STAG1: variants seen among roughly 807,000 people sequenced by gnomAD.
STAG1 encodes STAG1 cohesin complex component, also known as cohesin subunit SA-1.
Under a neutral mutation model 170.9 loss-of-function variants are expected in STAG1, and 26 were observed. The ratio of observed to expected loss-of-function variants is 0.15; its 90% confidence interval spans 0.11 to 0.21. The LOEUF (loss-of-function observed/expected upper bound fraction) is 0.21, where lower values mean the gene tolerates loss of function less well. Ranked by LOEUF, STAG1 falls within the 10% of genes least tolerant of loss-of-function variation. The pLI is 1.00. For missense variants in STAG1, 964 were observed against 1,509.5 expected (o/e 0.64, Z 5.99); for synonymous variants, 514 against 497.7 (o/e 1.03, Z -0.44).
intron 1 of STAG1, among the ~76,000 whole-genome samples, chr3:136,706,647 C>T (rs931554164): frequency 1.3e-5 from 2 of 152,156 alleles, no homozygotes; most frequent in African/African-American, 4.8e-5. Flanking sequence ...TCCAAAACAA[C>T]GTACAGATTC....
intron 10 of STAG1, among the ~76,000 whole-genome samples, chr3:136,475,220 C>A (rs2089719836): frequency 3.5e-5 from 5 of 141,792 alleles, no homozygotes; most frequent in African/African-American, 1.3e-4. Flanking sequence ...GATTTCAGCT[C>A]ACTGCAACCT....
intron 7 of STAG1, among the ~76,000 whole-genome samples, chr3:136,517,074 T>A (rs1441744549): frequency 6.6e-6 from 1 of 152,190 alleles, no homozygotes; most frequent in Non-Finnish European, 1.5e-5. Context: ...GCTGATTCTA[T>A]AAGAAAAGTT....
At chr3:136,569,247 A>C (rs925202983) in intron 4 of STAG1, among the ~76,000 whole-genome samples, 11 of 152,110 alleles carry the variant, frequency 7.2e-5, no homozygotes, top group African/African-American at 2.7e-4. Flanking sequence ...GTAGTGCATA[A>C]AAAGAATGCA....
chr3:136,702,792 A>G (rs1220318732), intron 1 of STAG1, among the ~76,000 whole-genome samples: 3 of 152,142 alleles, frequency 2.0e-5, no homozygotes, highest in Non-Finnish European at 4.4e-5. Context: ...AGGCCGGGCC[A>G]GGCACGGTGG....
chr3:136,344,082 G>A, intron 29 of STAG1, 76 bp from the exon 30 acceptor site: 1 of 1,145,196 alleles, frequency 8.7e-7, no homozygotes, highest in Non-Finnish European at 1.2e-6. Context: ...ATAGACTTGT[G>A]AAGAGTGTGG....
At chr3:136,451,938 C>T in intron 14 of STAG1, 95 bp downstream of exon 14, 1 of 784,318 alleles carries the variant, frequency 1.3e-6, no homozygotes, top group Non-Finnish European at 2.0e-6. Flanking sequence ...AAGAAACAGA[C>T]TTGTTTTTAT....
In STAG1 at chr3:136,661,888, G is replaced by A. The variant is rs371775483; in HGVS notation, c.-83-30907C>T. Among the ~76,000 whole-genome samples the A allele has an allele frequency of 1.2e-4, 18 of 152,304 alleles. No individual in the cohort carries two copies. The South Asian group carries it at 3.7e-3, about 32-fold the overall frequency. On this transcript the variant is annotated intron_variant, in intron 1 of 33. Coordinates refer to ENST00000383202, the MANE Select transcript of STAG1 (RefSeq NM_005862.3). ...TTTACACAAGGCACAGAAAAATTAA[G>A]TAACTTGCTCAAAGTCACACAGCCA... is the stretch of plus-strand genomic sequence containing the variant.
chr3:136,560,518 G>T (rs1236502822), intron 5 of STAG1, among the ~76,000 whole-genome samples: 3 of 152,102 alleles, frequency 2.0e-5, no homozygotes, highest in Non-Finnish European at 4.4e-5. Flanking sequence ...AATTTACATA[G>T]CTTTAGAATG....
At chr3:136,690,957 T>C (rs1942702047) in intron 1 of STAG1, among the ~76,000 whole-genome samples, 1 of 151,184 alleles carries the variant, frequency 6.6e-6, no homozygotes, top group East Asian at 1.9e-4. Flanking sequence ...GGCAATGTTA[T>C]CTCGATTTTT....
intron 12 of STAG1, among the ~76,000 whole-genome samples, chr3:136,469,126 G>A (rs1442108483): frequency 1.2e-4 from 19 of 152,164 alleles, no homozygotes; most frequent in South Asian, 2.1e-4. Flanking sequence ...AGTGTTGGAA[G>A]TTCTGGCCAG....
At chr3:136,601,080 C>G (rs1352625816) in intron 4 of STAG1, among the ~76,000 whole-genome samples, 1 of 151,996 alleles carries the variant, frequency 6.6e-6, no homozygotes, top group Non-Finnish European at 1.5e-5. Flanking sequence ...AGACTGGTCT[C>G]AAACTCCTGA....
chr3:136,583,819 C>A (rs112315705), intron 4 of STAG1, among the ~76,000 whole-genome samples: 171 of 151,990 alleles, frequency 1.1e-3, no homozygotes, highest in African/African-American at 2.4e-3. Flanking sequence ...AAAACAAAAA[C>A]AAAAAAACAA....
intron 21 of STAG1, among the ~76,000 whole-genome samples, chr3:136,413,399 T>A (rs1186301971): frequency 1.3e-5 from 2 of 150,790 alleles, no homozygotes; most frequent in Non-Finnish European, 2.9e-5. Flanking sequence ...GATTGTTTTT[T>A]AAATTTATTT....
chr3:136,434,015 T>G (rs1391326952), intron 15 of STAG1, among the ~76,000 whole-genome samples: 6 of 152,094 alleles, frequency 3.9e-5, no homozygotes, highest in Admixed American at 3.9e-4. Context: ...TTTTAAAAAC[T>G]TAACAGACAA....
intron 4 of STAG1, among the ~76,000 whole-genome samples, chr3:136,602,055 A>G (rs1267767362): frequency 6.6e-6 from 1 of 152,142 alleles, no homozygotes; most frequent in Admixed American, 6.6e-5. Flanking sequence ...TTTTACATAA[A>G]TATCTCATAA....
intron 3 of STAG1, among the ~76,000 whole-genome samples, chr3:136,622,624 A>G (rs1939917526): frequency 6.6e-6 from 1 of 152,226 alleles, no homozygotes; most frequent in South Asian, 2.1e-4. Context: ...ATAGAACAGT[A>G]TAACCCTTAA....
chr3:136,397,197 C>G (rs574383015), intron 22 of STAG1, among the ~76,000 whole-genome samples: 1 of 152,110 alleles, frequency 6.6e-6, no homozygotes. Context: ...CATGTTCAGG[C>G]CTCTCATTAC....
chr3:136,408,231 A>G (rs1472930066), intron 21 of STAG1, among the ~76,000 whole-genome samples: 1 of 152,202 alleles, frequency 6.6e-6, no homozygotes, highest in Non-Finnish European at 1.5e-5. Flanking sequence ...TCCTGGAACC[A>G]CAAATCCTCA....
At position 136,340,051 on chromosome 3, in the gene STAG1, G is replaced by A. The variant is rs1050562982; in HGVS notation, c.3672+440C>T. Among the ~76,000 whole-genome samples, 5 of 152,192 alleles carry A rather than the reference G, an allele frequency of 3.3e-5. No homozygotes were observed. In the East Asian group the frequency reaches 9.6e-4, roughly 29 times the overall value. Reference sequence around the variant, plus strand: ...TAAAATATGACTGCTTTGAAAGGAGGCTTGAAGAACACCCAAGCTCATCCA... The same window carrying A: ...TAAAATATGACTGCTTTGAAAGGAGACTTGAAGAACACCCAAGCTCATCCA... On this transcript the variant is annotated intron_variant, in intron 32 of 33. Transcript: ENST00000383202.
Sources: allele counts gnomAD v4.1 joint callset (sites outside exome capture counted in the v4.1 genomes callset), GRCh38; gene constraint gnomAD v4.1.1; transcripts MANE v1.5; gene names NCBI Gene and HGNC (gene_info 2026-07-23, HGNC 2026-07-21).